The following IL1RAPL1 variants were observed in gnomAD, a reference collection of about 807,000 sequenced individuals.
IL1RAPL1 encodes the protein interleukin-1 receptor accessory protein-like 1.
Under a neutral mutation model 48.4 loss-of-function variants are expected in IL1RAPL1, and 3 were observed. That is an observed-to-expected ratio of 0.06 (90% confidence interval 0.03 to 0.16). IL1RAPL1 has a LOEUF of 0.16. Ranked by LOEUF, IL1RAPL1 falls within the 10% of genes least tolerant of loss-of-function variation. IL1RAPL1 has a pLI of 1.00. For synonymous variants in IL1RAPL1, 185 were observed against 187.7 expected, an observed-to-expected ratio of 0.99 and a Z score of 0.12; for missense variants, 349 against 530.6, an observed-to-expected ratio of 0.66 and a Z score of 3.36.
chrX:29,224,518 G>C (rs1235833020), intron 2 of IL1RAPL1, among the ~76,000 whole-genome samples: 1 of 111,802 alleles, frequency 8.9e-6, no homozygotes, highest in Non-Finnish European at 1.9e-5. Flanking sequence ...GAATAATGAA[G>C]ACTCTTGTTC....
chrX:29,647,362 AAAAAT>A (rs1481506525), intron 5 of IL1RAPL1, among the ~76,000 whole-genome samples: 2 of 107,059 alleles, frequency 1.9e-5, no homozygotes, highest in African/African-American at 7.0e-5. Context: ...AAAAAAAAAA[AAAAAT>A]ACTCTAATAC....
At chrX:28,615,199 GTTTTTTTTTT>G (rs778402885) in intron 1 of IL1RAPL1, among the ~76,000 whole-genome samples, 6 of 26,056 alleles carry the variant, frequency 2.3e-4, no homozygotes, top group East Asian at 1.5e-3. Context: ...ACTGTTGTCT[GTTTTTTTTTT>G]TTTTTTTTTT....
At position 29,582,622 on chromosome X, in the gene IL1RAPL1, C is replaced by G. The variant is rs1277732446; in HGVS notation, c.704-85808C>G. On this transcript the variant is annotated intron_variant, in intron 5 of 10. Coordinates refer to ENST00000378993, the MANE Select transcript of IL1RAPL1 (RefSeq NM_014271.4). ...TGTGATCTCATTGTTCAATTCCCACCTATGAGTGAGAATATGCGGTGTTTG... is the reference window on the plus strand; with the variant it reads ...TGTGATCTCATTGTTCAATTCCCACGTATGAGTGAGAATATGCGGTGTTTG... 1.1e-3 allele frequency among the ~76,000 whole-genome samples: 78 copies of G among 69,050 alleles called. 2 individuals are homozygous for G. The highest frequency in any genetic ancestry group is 4.0e-3 in the African/African-American group (71 of 17,769). 60.0% of individuals were successfully genotyped at this position (69,050 alleles called of 115,157 possible). A position where few individuals can be genotyped will look rare whatever the true frequency, so the allele number is the denominator to read the frequency against.
chrX:29,438,998 T>A (rs1239051194), intron 5 of IL1RAPL1, among the ~76,000 whole-genome samples: 6 of 111,102 alleles, frequency 5.4e-5, no homozygotes, highest in Non-Finnish European at 1.9e-5. Flanking sequence ...CCTGCCATAG[T>A]ATTACCCTTT....
intron 2 of IL1RAPL1, among the ~76,000 whole-genome samples, chrX:28,813,107 C>T (rs186876053): frequency 2.7e-3 from 299 of 110,892 alleles, no homozygotes; most frequent in African/African-American, 9.1e-3. Context: ...ATTTCTGTTT[C>T]GTTGTATTTT....
At chrX:29,260,313 T>C (rs975186522) in intron 2 of IL1RAPL1, among the ~76,000 whole-genome samples, 2 of 112,199 alleles carry the variant, frequency 1.8e-5, no homozygotes, top group Admixed American at 1.9e-4. Context: ...AATAAAGACA[T>C]ACCCAAGACA....
chrX:29,297,572 G>A (rs1932467921), intron 3 of IL1RAPL1, among the ~76,000 whole-genome samples: 1 of 112,092 alleles, frequency 8.9e-6, no homozygotes, highest in South Asian at 3.6e-4. Context: ...TATTTAGCCT[G>A]GAATCATGTA....
At chrX:29,131,640 T>C (rs12006605) in intron 2 of IL1RAPL1, among the ~76,000 whole-genome samples, 2 of 111,529 alleles carry the variant, frequency 1.8e-5, no homozygotes, top group African/African-American at 3.3e-5. Flanking sequence ...TCTATTCCTC[T>C]AAATCAGTGG....
intron 2 of IL1RAPL1, among the ~76,000 whole-genome samples, chrX:29,254,734 A>C (rs1931724655): frequency 9.0e-6 from 1 of 111,558 alleles, no homozygotes; most frequent in African/African-American, 3.3e-5. Context: ...TGATGTTGGC[A>C]GCCTGACAGT....
intron 5 of IL1RAPL1, among the ~76,000 whole-genome samples, chrX:29,651,382 A>G (rs1007936607): frequency 3.6e-5 from 4 of 111,242 alleles, no homozygotes. Flanking sequence ...GCATCCATCA[A>G]TGGATAAATG....
chrX:29,305,781 G>A (rs768161624), intron 3 of IL1RAPL1, among the ~76,000 whole-genome samples: 86 of 111,633 alleles, frequency 7.7e-4, no homozygotes, highest in African/African-American at 2.0e-3. Context: ...GATTTAGAGC[G>A]GTTATATGAG....
intron 5 of IL1RAPL1, among the ~76,000 whole-genome samples, chrX:29,475,333 A>G (rs916473213): frequency 8.9e-6 from 1 of 111,932 alleles, no homozygotes; most frequent in African/African-American, 3.3e-5. Context: ...GTTGATTTAT[A>G]TTTTATAACT....
At chrX:29,394,146 C>A (rs1933893507) in intron 3 of IL1RAPL1, among the ~76,000 whole-genome samples, 2 of 109,862 alleles carry the variant, frequency 1.8e-5, no homozygotes, top group South Asian at 7.8e-4. Context: ...GATTCAGTGT[C>A]TTAAGTATAT....
chrX:28,804,192 T>C (rs1936703854), intron 2 of IL1RAPL1, among the ~76,000 whole-genome samples: 2 of 111,620 alleles, frequency 1.8e-5, no homozygotes, highest in African/African-American at 6.5e-5. Flanking sequence ...CACTAGTCAG[T>C]TCTAATTTAT....
chrX:29,059,659 G>A (rs1302516271), intron 2 of IL1RAPL1, among the ~76,000 whole-genome samples: 1 of 111,603 alleles, frequency 9.0e-6, no homozygotes, highest in East Asian at 2.8e-4. Context: ...GAATAATGCT[G>A]GGAAGTCTTT....
chrX:29,641,437 G>A (rs1370959031), intron 5 of IL1RAPL1, among the ~76,000 whole-genome samples: 1 of 112,067 alleles, frequency 8.9e-6, no homozygotes, highest in Non-Finnish European at 1.9e-5. Flanking sequence ...CTTCTCCCAG[G>A]TGTTTACATG....
chrX:28,788,881 CTTATGAT>C (rs1282222546), intron 1 of IL1RAPL1, among the ~76,000 whole-genome samples: 15 of 111,525 alleles, frequency 1.3e-4, no homozygotes, highest in Admixed American at 9.6e-4. Flanking sequence ...AGGCAGACAG[CTTATGAT>C]TTAATCTCTG....
intron 5 of IL1RAPL1, among the ~76,000 whole-genome samples, chrX:29,637,023 A>C (rs1924987221): frequency 9.6e-6 from 1 of 104,567 alleles, no homozygotes; most frequent in African/African-American, 3.5e-5. Flanking sequence ...ATTGCACTTC[A>C]GCCTGGGCAA....
intron 3 of IL1RAPL1, among the ~76,000 whole-genome samples, chrX:29,291,916 G>C (rs1271187842): frequency 8.9e-6 from 1 of 112,086 alleles, no homozygotes; most frequent in Non-Finnish European, 1.9e-5. Context: ...ATGTACCAAA[G>C]ATTCTTAAAT....
Sources: allele counts gnomAD v4.1 joint callset (sites outside exome capture counted in the v4.1 genomes callset), GRCh38; gene constraint gnomAD v4.1.1; transcripts MANE v1.5; gene names NCBI Gene and HGNC (gene_info 2026-07-23, HGNC 2026-07-21).